The following NCK2 variants were observed in gnomAD, a reference collection of about 807,000 sequenced individuals.
NCK2 encodes cytoplasmic protein NCK2.
Under a neutral mutation model 33.9 loss-of-function variants are expected in NCK2, and 16 were observed. The observed-to-expected ratio is 0.47, with a 90% CI of 0.32 to 0.72. The LOEUF is 0.72. Among genes scored for constraint, NCK2 ranks in the 30% least tolerant of loss-of-function variants. The pLI is 0.03. For missense variants in NCK2, 418 were observed against 537.3 expected (o/e 0.78, Z 2.19); for synonymous variants, 273 against 239.9 (o/e 1.14, Z -1.27).
intron 4 of NCK2, among the ~76,000 whole-genome samples, chr2:105,892,678 T>C (rs1679036355): frequency 6.6e-6 from 1 of 151,976 alleles, no homozygotes; most frequent in Non-Finnish European, 1.5e-5. Context: ...AAACCCTGTC[T>C]CTACTAAAAA....
intron 3 of NCK2, chr2:105,856,996 A>G (rs1350211965): frequency 6.6e-6 from 1 of 151,908 alleles, no homozygotes; most frequent in African/African-American, 2.4e-5. Context: ...AGTGATGCCA[A>G]ACATTGTTAC....
At chr2:105,859,235 G>A (rs1405745611) in intron 3 of NCK2, among the ~76,000 whole-genome samples, 1 of 152,172 alleles carries the variant, frequency 6.6e-6, no homozygotes, top group Non-Finnish European at 1.5e-5. Context: ...CTGGAGCCTT[G>A]CAAAGCCCCA....
At chr2:105,866,152 G>T (rs1380354833) in intron 3 of NCK2, among the ~76,000 whole-genome samples, 2 of 152,108 alleles carry the variant, frequency 1.3e-5, no homozygotes, top group African/African-American at 4.8e-5. Flanking sequence ...GACCTCAGGT[G>T]ATCCACCCAC....
At chr2:105,819,584 GAGGC>G (rs1038399820) in intron 2 of NCK2, among the ~76,000 whole-genome samples, 5 of 152,220 alleles carry the variant, frequency 3.3e-5, no homozygotes, top group Admixed American at 2.6e-4. Flanking sequence ...AGAAGGTGGT[GAGGC>G]AGGGGAGTGT....
At chr2:105,828,684 G>T (rs1236653854) in intron 2 of NCK2, among the ~76,000 whole-genome samples, 1 of 152,198 alleles carries the variant, frequency 6.6e-6, no homozygotes, top group African/African-American at 2.4e-5. Context: ...GCTTGTCTTT[G>T]ATCACCTATG....
chr2:105,832,402 AGTT>A (rs562675502), intron 2 of NCK2, among the ~76,000 whole-genome samples: 57 of 152,136 alleles, frequency 3.7e-4, no homozygotes, highest in Non-Finnish European at 6.8e-4. Flanking sequence ...ATATTTTTCC[AGTT>A]GTTAGAGGAA....
chr2:105,867,129 G>T (rs1558877439), intron 3 of NCK2, among the ~76,000 whole-genome samples: 1 of 152,186 alleles, frequency 6.6e-6, no homozygotes, highest in Non-Finnish European at 1.5e-5. Context: ...TGTAACATAA[G>T]GGGAAGAAAA....
chr2:105,817,560 T>A (rs1397887868), intron 2 of NCK2, among the ~76,000 whole-genome samples: 1 of 152,186 alleles, frequency 6.6e-6, no homozygotes, highest in African/African-American at 2.4e-5. Flanking sequence ...TTAAAAACTT[T>A]TAATTTGCTC....
chr2:105,821,982 A>G (rs1675757677), intron 2 of NCK2, among the ~76,000 whole-genome samples: 2 of 151,664 alleles, frequency 1.3e-5, no homozygotes. Flanking sequence ...CCATTCTCCA[A>G]GTGCTTACCT....
chr2:105,873,744 T>C lies in NCK2; in HGVS notation c.227-7584T>C, dbSNP rs909654544. ...GAAAAAAAGAAAACGAAAAGTTGGC[T>C]CAGATGATTGGGAAGTACGATTGGA... On this transcript the variant is annotated intron_variant, in intron 3 of 4. Transcript: ENST00000233154. 1.1e-4 allele frequency among the ~76,000 whole-genome samples: 16 copies of C among 152,140 alleles called. 1 individual carries two copies.
chr2:105,890,749 ACTC>A (rs1678935747), intron 4 of NCK2, among the ~76,000 whole-genome samples: 1 of 152,204 alleles, frequency 6.6e-6, no homozygotes, highest in South Asian at 2.1e-4. Context: ...CTTCTCAGAC[ACTC>A]ATTCCCCTGA....
chr2:105,773,286 C>G (rs1300250986), intron 1 of NCK2, among the ~76,000 whole-genome samples: 1 of 152,076 alleles, frequency 6.6e-6, no homozygotes, highest in Non-Finnish European at 1.5e-5. Context: ...CTCGAATCCT[C>G]TAACACTGGC....
intron 3 of NCK2, among the ~76,000 whole-genome samples, chr2:105,879,060 G>C (rs1046057782): frequency 1.1e-4 from 16 of 152,160 alleles, no homozygotes; most frequent in African/African-American, 3.9e-4. Flanking sequence ...TATTGTGATG[G>C]CCACTATCAA....
chr2:105,748,227 G>A (rs146724183), intron 1 of NCK2, among the ~76,000 whole-genome samples: 24 of 152,116 alleles, frequency 1.6e-4, no homozygotes, highest in Admixed American at 1.4e-3. Context: ...AGTCTCCTCC[G>A]TGTCCTGAGT....
chr2:105,779,077 C>T (rs761074516), intron 1 of NCK2, among the ~76,000 whole-genome samples: 2 of 152,116 alleles, frequency 1.3e-5, no homozygotes, highest in African/African-American at 2.4e-5. Flanking sequence ...GAGGCTGAGG[C>T]AGGTGGATCA....
chr2:105,770,227 C>T (rs1390691899), intron 1 of NCK2, among the ~76,000 whole-genome samples: 1 of 151,418 alleles, frequency 6.6e-6, no homozygotes, highest in Non-Finnish European at 1.5e-5. Flanking sequence ...AATCAGACTT[C>T]AAAAAAATGT....
At chr2:105,799,587 C>T (rs764150717) in intron 1 of NCK2, among the ~76,000 whole-genome samples, 12 of 152,150 alleles carry the variant, frequency 7.9e-5, no homozygotes, top group Middle Eastern at 3.2e-3. Flanking sequence ...ACACCAAACA[C>T]GAGCTGATGA....
chr2:105,891,075 C>G (rs961301819), intron 4 of NCK2, among the ~76,000 whole-genome samples: 1 of 152,200 alleles, frequency 6.6e-6, no homozygotes, highest in Non-Finnish European at 1.5e-5. Flanking sequence ...AGCACATGCT[C>G]AGCTCCACAT....
chr2:105,827,542 T>C (rs1015283651), intron 2 of NCK2, among the ~76,000 whole-genome samples: 1 of 152,186 alleles, frequency 6.6e-6, no homozygotes, highest in Non-Finnish European at 1.5e-5. Flanking sequence ...CACCCAAAAG[T>C]AGCAGGATAC....
Sources: allele counts gnomAD v4.1 joint callset (sites outside exome capture counted in the v4.1 genomes callset), GRCh38; gene constraint gnomAD v4.1.1; transcripts MANE v1.5; gene names NCBI Gene and HGNC (gene_info 2026-07-23, HGNC 2026-07-21).